KY: variants seen among roughly 807,000 people sequenced by gnomAD.
KY encodes the protein kyphoscoliosis peptidase.
Under a neutral mutation model 76.1 loss-of-function variants are expected in KY, and 43 were observed. The observed-to-expected ratio is 0.57, with a 90% CI of 0.44 to 0.73. The LOEUF (loss-of-function observed/expected upper bound fraction) is 0.73. Among genes scored for constraint, KY ranks in the 30% least tolerant of loss-of-function variants. KY has a pLI of 0.00. For missense variants in KY, 722 were observed against 828.9 expected (o/e 0.87, Z 1.58); for synonymous variants, 277 against 326.2 (o/e 0.85, Z 1.63).
intron 1 of KY, among the ~76,000 whole-genome samples, chr3:134,650,566 C>A (rs1388109567): frequency 6.6e-6 from 1 of 152,172 alleles, no homozygotes; most frequent in Non-Finnish European, 1.5e-5. Flanking sequence ...GAAAAAGACT[C>A]CCAGGGGTGA....
intron 8 of KY, among the ~76,000 whole-genome samples, chr3:134,613,650 G>A (rs539923410): frequency 2.3e-4 from 35 of 152,238 alleles, no homozygotes; most frequent in African/African-American, 7.5e-4. Flanking sequence ...GCCTGGGGCA[G>A]AAAAAAGATG....
rs1224693001 is a variant in KY, at chr3:134,602,132, T to G, written c.*1447A>C. 1.3e-5 allele frequency among the ~76,000 whole-genome samples: 2 copies of G among 151,064 alleles called. No homozygotes were observed. Among genetic ancestry groups the G allele is most frequent in the African/African-American group, 4.9e-5 (2 of 40,992 alleles). On this transcript the variant is annotated 3_prime_UTR_variant, in exon 11 of 11. Coordinates refer to ENST00000423778, the MANE Select transcript of KY (RefSeq NM_178554.6). ...GCCAGGCAGTGCTGGCTCTCAGGGG[T>G]TGGGGGGCACTGAGACAGCCAGGGG...
intron 4 of KY, among the ~76,000 whole-genome samples, chr3:134,628,330 C>T (rs1050760199): frequency 2.6e-5 from 4 of 152,068 alleles, no homozygotes; most frequent in South Asian, 2.1e-4. Flanking sequence ...AATCTAAGAC[C>T]GTAAAGGCAG....
At position 134,604,128 on chromosome 3, in the gene KY, G is replaced by T; in HGVS notation, c.1437C>A (p.Arg479=). The part of the protein sequence containing the change: ...PDPIIHTSDG[R]CSISFSVEEG... ...CCTCCACGCTGAAGCTGATGGAGCAGCGCCCGTCGCTGGTGTGGATGATAG... is the reference window on the plus strand; with the variant it reads ...CCTCCACGCTGAAGCTGATGGAGCATCGCCCGTCGCTGGTGTGGATGATAG... Residue 479 remains arginine, a synonymous_variant, in exon 11 of 11, where the codon CGC becomes CGA. Coordinates refer to ENST00000423778, the MANE Select transcript of KY (RefSeq NM_178554.6). The T allele has an allele frequency of 6.2e-7, 1 of 1,608,564 alleles. No homozygotes were observed. The highest frequency in any genetic ancestry group is 8.5e-7 in the Non-Finnish European group (1 of 1,177,162).
chr3:134,615,605 G>A lies in KY; in HGVS notation c.710+3543C>T, dbSNP rs77645918. Among the ~76,000 whole-genome samples the A allele has an allele frequency of 8.8e-4, 133 of 151,082 alleles. 3 individuals carry two copies. In the East Asian group the frequency reaches 9.8e-3, roughly 11 times the overall value. ...GTGGTATAGAGAGTGAAATGGAAAG[G>A]TGGTTTGCACCAGTGACATAACTCA... On this transcript the variant is annotated intron_variant, in intron 8 of 10. Transcript: ENST00000423778.
intron 2 of KY, among the ~76,000 whole-genome samples, chr3:134,645,692 G>GAGCCTCTGTCC (rs1320526822): frequency 6.6e-6 from 1 of 152,190 alleles, no homozygotes; most frequent in African/African-American, 2.4e-5. Flanking sequence ...GGCCTCTGTG[G>GAGCCTCTGTCC]AGCCTCTGTC....
intron 1 of KY, 65 bp downstream of exon 1, chr3:134,650,760 A>C: frequency 7.1e-7 from 1 of 1,413,246 alleles, no homozygotes; most frequent in Non-Finnish European, 9.4e-7. Context: ...CCCGGCGGGC[A>C]GGCCCTTGTG....
rs1959095828 is a variant in KY, at chr3:134,604,218, G to T, written c.1347C>A (p.His449Gln). The change falls in exon 11 of 11, where the codon CAC becomes CAA. Residue 449 changes from histidine (H) to glutamine (Q), a missense_variant. This residue lies in a region of KY where 552 missense variants were observed against 680.9 expected (regional missense o/e 0.81). Transcript: ENST00000423778. The part of the protein sequence containing the change: ...DMGVQLPAEL[H>Q]QPVGPSWFSE... ...AGAACCAGCTGGGGCCCACGGGCTG[G>T]TGAAGCTCAGCAGGCAGCTGGACAC... The T allele has an allele frequency of 6.2e-7, 1 of 1,613,124 alleles. No individual in the cohort carries two copies. Among genetic ancestry groups the T allele is most frequent in the African/African-American group, 1.3e-5 (1 of 74,922 alleles).
In KY at chr3:134,603,256, A is replaced by G; in HGVS notation, c.*323T>C. 4.4e-6 allele frequency: 1 copy of G among 229,046 alleles called. No individual in the cohort carries two copies. Among genetic ancestry groups the G allele is most frequent in the Non-Finnish European group, 8.5e-6 (1 of 118,246 alleles). 14.2% of individuals were successfully genotyped at this position (229,046 alleles called of 1,614,324 possible). ...ATCCCTGCTTTCCCTCATCAACCCT[A>G]CAGCAACAACAACAGCAGCAGCACT... On this transcript the variant is annotated 3_prime_UTR_variant, in exon 11 of 11. Transcript: ENST00000423778.
chr3:134,637,695 A>G (rs1444152999), intron 3 of KY, among the ~76,000 whole-genome samples: 1 of 152,240 alleles, frequency 6.6e-6, no homozygotes, highest in East Asian at 1.9e-4. Context: ...TTATCGCTTC[A>G]GGCAGCCACT....
At chr3:134,635,526 C>T (rs1346815696) in intron 3 of KY, among the ~76,000 whole-genome samples, 1 of 134,768 alleles carries the variant, frequency 7.4e-6, no homozygotes, top group Non-Finnish European at 1.6e-5. Flanking sequence ...TACTTCTCAA[C>T]AATACAAAGG....
At chr3:134,634,834 G>T (rs573720522) in intron 3 of KY, among the ~76,000 whole-genome samples, 3 of 152,210 alleles carry the variant, frequency 2.0e-5, no homozygotes, top group Non-Finnish European at 4.4e-5. Flanking sequence ...TTATATGTGG[G>T]TGGTCCTGGA....
intron 8 of KY, among the ~76,000 whole-genome samples, chr3:134,613,708 G>A (rs1294929712): frequency 6.6e-6 from 1 of 152,240 alleles, no homozygotes; most frequent in Non-Finnish European, 1.5e-5. Context: ...ACTCTGATAT[G>A]AGGATATTTT....
At chr3:134,611,631 G>T (rs368845378) in intron 8 of KY, among the ~76,000 whole-genome samples, 1 of 152,214 alleles carries the variant, frequency 6.6e-6, no homozygotes, top group Admixed American at 6.5e-5. Flanking sequence ...CTTTGATGGG[G>T]CTCCTTTGAG....
Position 134,606,994 on chromosome 3 carries a change from A to G in KY, c.1090+1655T>C, listed in dbSNP as rs374313666. 2.6e-5 allele frequency: 26 copies of G among 983,396 alleles called. No homozygotes were observed. In the East Asian group the frequency reaches 5.7e-4, roughly 21 times the overall value. 60.9% of individuals were successfully genotyped at this position (983,396 alleles called of 1,614,324 possible). A position where few individuals can be genotyped will look rare whatever the true frequency, so the allele number is the denominator to read the frequency against. The stretch of plus-strand genomic sequence containing the variant: ...GCTACCACAAAGAAATACTCTGTAC[A>G]TAAGTATCAGATATATGGAATCATA... On this transcript the variant is annotated intron_variant, in intron 10 of 10. Coordinates refer to ENST00000423778, the MANE Select transcript of KY (RefSeq NM_178554.6).
intron 9 of KY, among the ~76,000 whole-genome samples, 153 bp from the exon 10 acceptor site, chr3:134,608,992 G>A (rs1429034063): frequency 6.6e-6 from 1 of 152,182 alleles, no homozygotes; most frequent in Non-Finnish European, 1.5e-5. Flanking sequence ...CTCAGTGGAT[G>A]CTTCCAGAAA....
chr3:134,642,765 G>T (rs984405827), intron 3 of KY, among the ~76,000 whole-genome samples: 5 of 152,190 alleles, frequency 3.3e-5, no homozygotes, highest in African/African-American at 1.2e-4. Context: ...GTTTCCAGGG[G>T]AGATGAGGAA....
At chr3:134,645,400 C>T (rs1437703985) in intron 2 of KY, among the ~76,000 whole-genome samples, 1 of 152,224 alleles carries the variant, frequency 6.6e-6, no homozygotes, top group African/African-American at 2.4e-5. Context: ...TGCACTCCAC[C>T]AGCACATGCC....
At chr3:134,608,315 C>T in intron 10 of KY, 1 of 1,247,362 alleles carries the variant, frequency 8.0e-7, no homozygotes, top group Non-Finnish European at 1.0e-6. Flanking sequence ...AGGAAGTGCC[C>T]AGCCCTGGCT....
Sources: allele counts gnomAD v4.1 joint callset (sites outside exome capture counted in the v4.1 genomes callset), GRCh38; gene constraint gnomAD v4.1.1; regional missense constraint gnomAD v4.1.1; transcripts MANE v1.5; gene names NCBI Gene and HGNC (gene_info 2026-07-23, HGNC 2026-07-21).